Variants in SUSD6 observed in about 807,000 individuals in gnomAD.
SUSD6 encodes the protein sushi domain-containing protein 6.
In SUSD6, 16 loss-of-function variants were observed where a neutral mutation model predicts 28.4. That is an observed-to-expected ratio of 0.56 (90% CI 0.38 to 0.86). The LOEUF is 0.86. Among genes scored for constraint, SUSD6 ranks in the 40% least tolerant of loss-of-function variants. The pLI, the probability that SUSD6 is intolerant of heterozygous loss-of-function variation, is 0.00. For synonymous variants in SUSD6, 147 were observed against 159.6 expected, an observed-to-expected ratio of 0.92 and a Z score of 0.59; for missense variants, 341 against 384.2, an observed-to-expected ratio of 0.89 and a Z score of 0.94.
intron 2 of SUSD6, among the ~76,000 whole-genome samples, chr14:69,698,775 G>T (rs1183959444): frequency 1.3e-5 from 2 of 152,222 alleles, no homozygotes; most frequent in Middle Eastern, 3.2e-3. Context: ...AATGCCTACT[G>T]TGTGCACTCC....
intron 2 of SUSD6, among the ~76,000 whole-genome samples, chr14:69,673,108 A>T (rs1310729028): frequency 1.3e-5 from 2 of 152,222 alleles, no homozygotes; most frequent in African/African-American, 4.8e-5. Flanking sequence ...GTGGGCTCCC[A>T]GGTTTGAAAC....
chr14:69,697,934 G>A (rs890845066), intron 2 of SUSD6, among the ~76,000 whole-genome samples: 2 of 152,146 alleles, frequency 1.3e-5, no homozygotes, highest in African/African-American at 4.8e-5. Context: ...TTCTGTTACC[G>A]GAAAGAGGTC....
At chr14:69,691,991 A>T (rs1264804593) in intron 2 of SUSD6, among the ~76,000 whole-genome samples, 1 of 150,794 alleles carries the variant, frequency 6.6e-6, no homozygotes, top group Non-Finnish European at 1.5e-5. Context: ...GTGAGCTGAG[A>T]TCATGCCACT....
chr14:69,709,499 G>C (rs1409591224), intron 5 of SUSD6, among the ~76,000 whole-genome samples: 1 of 152,244 alleles, frequency 6.6e-6, no homozygotes, highest in Non-Finnish European at 1.5e-5. Context: ...CTCCAGAGCA[G>C]ACAGCTGCTG....
intron 1 of SUSD6, among the ~76,000 whole-genome samples, chr14:69,648,910 TG>T (rs1419201836): frequency 2.0e-5 from 3 of 152,196 alleles, no homozygotes; most frequent in East Asian, 3.9e-4. Flanking sequence ...GCCATCCTTT[TG>T]GTGAGTTGTT....
At chr14:69,625,623 C>G (rs1375486038) in intron 1 of SUSD6, among the ~76,000 whole-genome samples, 1 of 152,158 alleles carries the variant, frequency 6.6e-6, no homozygotes, top group East Asian at 1.9e-4. Context: ...CAATGTGGGG[C>G]TGAGTGAGTG....
intron 5 of SUSD6, 111 bp downstream of exon 5, chr14:69,709,215 A>G: frequency 2.9e-6 from 3 of 1,017,368 alleles, no homozygotes; most frequent in South Asian, 1.7e-5. Flanking sequence ...CAAAAAAAAG[A>G]TAGTACCTGG....
At chr14:69,627,698 T>A (rs1374284026) in intron 1 of SUSD6, among the ~76,000 whole-genome samples, 1 of 152,034 alleles carries the variant, frequency 6.6e-6, no homozygotes, top group Non-Finnish European at 1.5e-5. Flanking sequence ...TCTCCTGACC[T>A]CATGATCCGC....
In SUSD6 at chr14:69,711,042, G is replaced by C; in HGVS notation, c.*63G>C. On this transcript the variant is annotated 3_prime_UTR_variant, in exon 6 of 6. Coordinates refer to ENST00000342745, the MANE Select transcript of SUSD6 (RefSeq NM_014734.4). ...CAGCCCTTCCTCCCTCTCCCTGTGG[G>C]ATTGAGCACCCTGTACTCTCCAGCC... is the stretch of plus-strand genomic sequence containing the variant. 2 of 1,545,230 alleles carry C rather than the reference G, an allele frequency of 1.3e-6. No homozygotes were observed. Among genetic ancestry groups the C allele is most frequent in the Non-Finnish European group, 1.8e-6 (2 of 1,117,476 alleles).
intron 1 of SUSD6, among the ~76,000 whole-genome samples, chr14:69,634,586 C>T (rs920868758): frequency 1.3e-5 from 2 of 152,184 alleles, no homozygotes; most frequent in Admixed American, 6.5e-5. Context: ...TGGGCTAGGA[C>T]GGTTTCAGCC....
At chr14:69,688,627 A>C (rs1349305768) in intron 2 of SUSD6, among the ~76,000 whole-genome samples, 1 of 152,120 alleles carries the variant, frequency 6.6e-6, no homozygotes, top group Non-Finnish European at 1.5e-5. Context: ...GTCCCCTCTC[A>C]CCTAGGCAAA....
chr14:69,667,742 T>A (rs2139620757), intron 2 of SUSD6, among the ~76,000 whole-genome samples: 1 of 152,252 alleles, frequency 6.6e-6, no homozygotes, highest in African/African-American at 2.4e-5. Flanking sequence ...GTAGGCTGTG[T>A]GGCTCTCTGT....
chr14:69,640,265 C>CA (rs1885332373), intron 1 of SUSD6, among the ~76,000 whole-genome samples: 1 of 151,730 alleles, frequency 6.6e-6, no homozygotes, highest in African/African-American at 2.4e-5. Flanking sequence ...AACTATCATT[C>CA]ACTTACTCCT....
intron 1 of SUSD6, among the ~76,000 whole-genome samples, chr14:69,620,768 T>G (rs1228625169): frequency 2.0e-5 from 3 of 152,250 alleles, no homozygotes; most frequent in Admixed American, 1.3e-4. Flanking sequence ...TTTCTTGCTT[T>G]ATTTAATCAA....
chr14:69,681,941 A>C (rs764651112), intron 2 of SUSD6, among the ~76,000 whole-genome samples: 4 of 152,252 alleles, frequency 2.6e-5, no homozygotes, highest in Non-Finnish European at 5.9e-5. Flanking sequence ...TCATATGGAC[A>C]TGCATCAGAG....
At chr14:69,650,746 C>G (rs1445983820) in intron 1 of SUSD6, among the ~76,000 whole-genome samples, 2 of 151,668 alleles carry the variant, frequency 1.3e-5, no homozygotes, top group Non-Finnish European at 3.0e-5. Flanking sequence ...TGTGCAGAGG[C>G]TGGGTTTTGT....
At chr14:69,666,661 C>T (rs575772801) in intron 2 of SUSD6, among the ~76,000 whole-genome samples, 1 of 152,122 alleles carries the variant, frequency 6.6e-6, no homozygotes, top group South Asian at 2.1e-4. Flanking sequence ...TATTGGCATC[C>T]CTGGTGATGG....
chr14:69,659,658 C>T (rs1001244584), intron 2 of SUSD6, among the ~76,000 whole-genome samples: 1 of 152,206 alleles, frequency 6.6e-6, no homozygotes, highest in Non-Finnish European at 1.5e-5. Flanking sequence ...GCTGGGACTA[C>T]AGGCTCATGC....
chr14:69,684,229 C>T (rs1015096176), intron 2 of SUSD6, among the ~76,000 whole-genome samples: 1 of 152,200 alleles, frequency 6.6e-6, no homozygotes, highest in African/African-American at 2.4e-5. Flanking sequence ...CATGCCTAAT[C>T]AGCAGTGAAA....
Sources: gnomAD v4.1 joint callset for allele counts (sites outside exome capture counted in the v4.1 genomes callset) on GRCh38, gnomAD v4.1.1 for gene constraint, MANE v1.5 for transcripts, NCBI Gene and HGNC (gene_info 2026-07-23, HGNC 2026-07-21) for gene names.